S100A2: variants seen among roughly 807,000 people sequenced by gnomAD.
S100A2 encodes protein S100-A2.
S100A2 carries 5 observed loss-of-function variants against 4.3 expected under a neutral mutation model. The observed-to-expected ratio is 1.16, with a 90% CI of 0.61 to 2.44. S100A2 has a LOEUF of 2.44. S100A2 is among the 30% of genes most tolerant of loss of function. S100A2 has a pLI of 0.01. For synonymous variants in S100A2, 44 were observed against 46.0 expected (o/e 0.96, Z 0.17); for missense variants, 103 against 114.7 (o/e 0.90, Z 0.47).
intron 2 of S100A2, among the ~76,000 whole-genome samples, chr1:153,563,012 G>A (rs1205911669): frequency 2.0e-5 from 3 of 147,118 alleles, no homozygotes; most frequent in Non-Finnish European, 4.5e-5. Context: ...GGTGGCTCAC[G>A]CCTGTAAGCC....
chr1:153,561,899 A>G (rs1388665387), intron 2 of S100A2, among the ~76,000 whole-genome samples: 1 of 152,234 alleles, frequency 6.6e-6, no homozygotes, highest in Non-Finnish European at 1.5e-5. Context: ...TCATCACCCC[A>G]TTCTGCTGAT....
chr1:153,562,825 T>C (rs1480917317), intron 2 of S100A2, among the ~76,000 whole-genome samples: 2 of 151,902 alleles, frequency 1.3e-5, no homozygotes, highest in East Asian at 3.9e-4. Flanking sequence ...ACTCCATCTC[T>C]ACAAAAATAA....
intron 1 of S100A2, 37 bp from the exon 2 acceptor site, chr1:153,563,924 C>A: frequency 1.3e-6 from 2 of 1,593,560 alleles, no homozygotes; most frequent in Non-Finnish European, 1.7e-6. Context: ...ACTGCTGAGG[C>A]TCTTGGGGCC....
chr1:153,563,761 C>T lies in S100A2; in HGVS notation c.117G>A (p.Leu39=). The change falls in exon 2 of 3, where the codon CTG becomes CTA. Residue 39 remains leucine (L), a synonymous_variant. Coordinates refer to ENST00000368708, the MANE Select transcript of S100A2 (RefSeq NM_005978.4). ...KLSKGEMKEL[L]HKELPSFVGE... is the part of the protein sequence containing the mutation. ...CCACAAAGCTGGGCAGCTCCTTGTG[C>T]AGAAGTTCCTTCATTTCCCCCTTAC... 4.3e-6 allele frequency: 7 copies of T among 1,614,150 alleles called. No individual in the cohort carries two copies. The highest frequency in any genetic ancestry group is 2.2e-5 in the East Asian group (1 of 44,880).
At chr1:153,562,772 C>T (rs1665921715) in intron 2 of S100A2, among the ~76,000 whole-genome samples, 1 of 152,060 alleles carries the variant, frequency 6.6e-6, no homozygotes, top group Admixed American at 6.6e-5. Context: ...GGGAGGATTG[C>T]TTGAACCCAG....
intron 1 of S100A2, 105 bp from the exon 2 acceptor site, chr1:153,563,992 C>T (rs1665954547): frequency 4.2e-6 from 5 of 1,203,330 alleles, no homozygotes; most frequent in East Asian, 2.5e-5. Context: ...CTCACAAAAC[C>T]CCTCTCTGAA....
At position 153,564,854 on chromosome 1, in the gene S100A2, C is replaced by CA. The variant is rs56666936; in HGVS notation, c.-11+651dup. Among the ~76,000 whole-genome samples the CA allele has an allele frequency of 2.9e-4, 16 of 54,798 alleles. 1 individual carries two copies. In the East Asian group the frequency reaches 2.9e-3, roughly 10 times the overall value. 35.9% of individuals were successfully genotyped at this position (54,798 alleles called of 152,430 possible). On this transcript the variant is annotated intron_variant, in intron 1 of 2. Coordinates refer to ENST00000368708, the MANE Select transcript of S100A2 (RefSeq NM_005978.4). ...AGTCCTGCTAGAATCCAGGACTTTG[C>CA]AAAAAAAAAAAAAAATCTCAGGATT...
intron 1 of S100A2, among the ~76,000 whole-genome samples, 183 bp downstream of exon 1, chr1:153,565,311 CAAAAAAAAAAAA>C (rs57778287): frequency 6.4e-5 from 3 of 46,758 alleles, no homozygotes; most frequent in Non-Finnish European, 9.0e-5. Context: ...GACTCCATCT[CAAAAAAAAAAAA>C]AAAAAAAAAA....
chr1:153,563,297 T>G, intron 2 of S100A2: 1 of 1,021,850 alleles, frequency 9.8e-7, no homozygotes, highest in South Asian at 1.6e-5. Context: ...GCTTGACCCC[T>G]GGAGGCAGAG....
At chr1:153,561,962 G>T (rs1196307383) in intron 2 of S100A2, among the ~76,000 whole-genome samples, 1 of 152,174 alleles carries the variant, frequency 6.6e-6, no homozygotes. Flanking sequence ...ATTCAGAAAA[G>T]AACACTTTTT....
At chr1:153,563,633 C>A (rs1039773209) in intron 2 of S100A2, 101 bp downstream of exon 2, 14 of 1,576,894 alleles carry the variant, frequency 8.9e-6, no homozygotes, top group Non-Finnish European at 1.2e-5. Context: ...CTGGGCCCCA[C>A]CCTGGCACCT....
intron 2 of S100A2, 30 bp from the exon 3 acceptor site, chr1:153,561,621 C>T: frequency 6.2e-7 from 1 of 1,613,774 alleles, no homozygotes; most frequent in Non-Finnish European, 8.5e-7. Flanking sequence ...CACTCATCAC[C>T]AAGCCAGCCC....
At chr1:153,563,356 G>A in intron 2 of S100A2, 1 of 1,508,458 alleles carries the variant, frequency 6.6e-7, no homozygotes, top group Non-Finnish European at 8.9e-7. Flanking sequence ...TGGGCAACAA[G>A]AGGGAAACTC....
intron 2 of S100A2, 161 bp downstream of exon 2, chr1:153,563,573 G>C (rs552210146): frequency 1.0e-5 from 16 of 1,552,448 alleles, no homozygotes; most frequent in Non-Finnish European, 1.4e-5. Flanking sequence ...ACTCCCACTC[G>C]GGCCTCATTT....
chr1:153,564,854 C>CAAAAA (rs56666936), intron 1 of S100A2, among the ~76,000 whole-genome samples: 883 of 54,796 alleles, frequency 0.016, 65 homozygotes, highest in African/African-American at 0.049. Context: ...CAGGACTTTG[C>CAAAAA]AAAAAAAAAA....
chr1:153,563,597 G>A (rs1006373146), intron 2 of S100A2, 137 bp downstream of exon 2: 5 of 1,556,802 alleles, frequency 3.2e-6, no homozygotes, highest in African/African-American at 2.7e-5. Flanking sequence ...CTCCAGTGGA[G>A]CCATGAAGCT....
At position 153,564,242 on chromosome 1, in the gene S100A2, G is replaced by A. The variant is rs374920850; in HGVS notation, c.-10-355C>T. The A allele has an allele frequency of 2.4e-4, 46 of 188,884 alleles. No individual in the cohort carries two copies. In the South Asian group the frequency reaches 4.5e-3, roughly 19 times the overall value. The allele number at this position is 188,884 out of a possible 1,614,324, so 11.7% of individuals were successfully genotyped here. On this transcript the variant is annotated intron_variant, in intron 1 of 2. Coordinates refer to ENST00000368708, the MANE Select transcript of S100A2 (RefSeq NM_005978.4). ...TTTGATGGCATCTGCGCAGGCTCTG[G>A]GGAGCAGGGCCACATGCACCGGCTG...
chr1:153,565,729 G>A lies in S100A2; in HGVS notation c.-234C>T, dbSNP rs1209862248. 1.3e-5 allele frequency: 2 copies of A among 152,440 alleles called. No homozygotes were observed. The highest frequency in any genetic ancestry group is 1.9e-4 in the East Asian group (1 of 5,172). 9.4% of individuals were successfully genotyped at this position (152,440 alleles called of 1,614,324 possible). On this transcript the variant is annotated 5_prime_UTR_variant, in exon 1 of 3. Transcript: ENST00000368708. ...CCAGCTCCACCACCAGCTGGGGGAG[G>A]GCTCTAGGCCAGGTCAAGGGCAGCC...
At chr1:153,565,444 A>T (rs1349035004) in intron 1 of S100A2, 62 bp downstream of exon 1, 1 of 152,646 alleles carries the variant, frequency 6.6e-6, no homozygotes, top group African/African-American at 2.4e-5. Flanking sequence ...AACTGTGGAG[A>T]CAAAGACAGA....
Sources: allele counts gnomAD v4.1 joint callset (sites outside exome capture counted in the v4.1 genomes callset), GRCh38; gene constraint gnomAD v4.1.1; transcripts MANE v1.5; gene names NCBI Gene and HGNC (gene_info 2026-07-23, HGNC 2026-07-21).